The following GALNT13 variants were observed in gnomAD, a reference collection of about 807,000 sequenced individuals.
The protein encoded by GALNT13 is polypeptide N-acetylgalactosaminyltransferase 13.
GALNT13 carries 28 observed loss-of-function variants against 64.2 expected under a neutral mutation model. The observed-to-expected ratio is 0.44, with a 90% CI of 0.32 to 0.60. GALNT13 has a LOEUF of 0.60. Ranked by LOEUF, GALNT13 falls within the 20% of genes least tolerant of loss-of-function variation. GALNT13 has a pLI of 0.05. For synonymous variants in GALNT13, 214 were observed against 224.6 expected, an observed-to-expected ratio of 0.95 and a Z score of 0.42; for missense variants, 577 against 669.8, an observed-to-expected ratio of 0.86 and a Z score of 1.53.
chr2:153,228,283 A>G, the GALNT13 span, among the ~76,000 whole-genome samples: 7 of 152,170 alleles, frequency 4.6e-5, no homozygotes, highest in East Asian at 1.9e-4. Flanking sequence ...GAAGAAAGTC[A>G]TATCTTAGAT....
the GALNT13 span, among the ~76,000 whole-genome samples, chr2:153,077,440 C>T: frequency 7.3e-5 from 11 of 151,204 alleles, no homozygotes; most frequent in African/African-American, 2.4e-4. Flanking sequence ...GCTCTGATAA[C>T]GAAGTGTCAG....
At chr2:153,890,745 C>G (rs1048077216) in intron 1 of GALNT13, among the ~76,000 whole-genome samples, 1 of 151,996 alleles carries the variant, frequency 6.6e-6, no homozygotes, top group Admixed American at 6.6e-5. Flanking sequence ...TGGTTTGTTT[C>G]TTCTTTCTTC....
At chr2:154,262,678 G>A (rs539254130) in intron 8 of GALNT13, among the ~76,000 whole-genome samples, 1 of 152,032 alleles carries the variant, frequency 6.6e-6, no homozygotes, top group African/African-American at 2.4e-5. Context: ...ACAAAACTTT[G>A]TGCTCTTATG....
the GALNT13 span, among the ~76,000 whole-genome samples, chr2:153,382,237 G>C: frequency 4.0e-5 from 6 of 151,880 alleles, no homozygotes; most frequent in Admixed American, 2.6e-4. Flanking sequence ...TTTAGATGCA[G>C]GGGGTACATG....
chr2:153,893,765 T>G (rs1687716638), intron 1 of GALNT13, among the ~76,000 whole-genome samples: 1 of 152,030 alleles, frequency 6.6e-6, no homozygotes, highest in Non-Finnish European at 1.5e-5. Flanking sequence ...GATCCCTAAT[T>G]GTTGCTTTTA....
the GALNT13 span, among the ~76,000 whole-genome samples, chr2:153,810,503 T>A: frequency 6.6e-6 from 1 of 152,324 alleles, no homozygotes; most frequent in South Asian, 2.1e-4. Context: ...TTACATTCCA[T>A]CAACTTTATT....
the GALNT13 span, among the ~76,000 whole-genome samples, chr2:153,786,515 C>T: frequency 6.6e-6 from 1 of 152,008 alleles, no homozygotes; most frequent in African/African-American, 2.4e-5. Context: ...CACTTTAATC[C>T]CTGCTGCCCT....
the GALNT13 span, among the ~76,000 whole-genome samples, chr2:153,231,003 G>T: frequency 6.6e-6 from 1 of 152,214 alleles, no homozygotes; most frequent in African/African-American, 2.4e-5. Context: ...TGCTTTTCTT[G>T]ATTGTCTTAA....
the GALNT13 span, among the ~76,000 whole-genome samples, chr2:153,452,654 GC>G: frequency 3.3e-5 from 5 of 151,832 alleles, no homozygotes; most frequent in Non-Finnish European, 5.9e-5. Flanking sequence ...AACATTCCAT[GC>G]CCATGGATTG....
At chr2:153,329,052 A>C in the GALNT13 span, among the ~76,000 whole-genome samples, 1 of 151,952 alleles carries the variant, frequency 6.6e-6, no homozygotes, top group Non-Finnish European at 1.5e-5. Flanking sequence ...TCCCTTGGTG[A>C]GGGGAGGGAG....
chr2:154,342,810 A>G (rs1574121613), intron 9 of GALNT13, among the ~76,000 whole-genome samples: 1 of 148,302 alleles, frequency 6.7e-6, no homozygotes, highest in East Asian at 2.0e-4. Flanking sequence ...AGTGTATTAT[A>G]TAATTAAGAG....
chr2:154,205,384 A>G (rs1687383416), intron 4 of GALNT13, among the ~76,000 whole-genome samples: 1 of 152,194 alleles, frequency 6.6e-6, no homozygotes, highest in Non-Finnish European at 1.5e-5. Flanking sequence ...AGCAATTGAA[A>G]TGTTGCTAGT....
intron 3 of GALNT13, among the ~76,000 whole-genome samples, chr2:154,125,534 G>C (rs1382528826): frequency 2.0e-5 from 3 of 152,200 alleles, no homozygotes; most frequent in Middle Eastern, 3.4e-3. Flanking sequence ...TTTACTGAAA[G>C]GCTACTGCAA....
the GALNT13 span, among the ~76,000 whole-genome samples, chr2:153,146,065 A>G: frequency 2.0e-5 from 3 of 151,866 alleles, no homozygotes; most frequent in African/African-American, 7.2e-5. Flanking sequence ...AGCAGAGCCA[A>G]TATTAGATCT....
the GALNT13 span, among the ~76,000 whole-genome samples, chr2:153,193,458 A>AG: frequency 1.4e-5 from 1 of 69,202 alleles, no homozygotes; most frequent in Admixed American, 2.0e-4. Flanking sequence ...GGGTCGGGGG[A>AG]GGGGGGAGGG....
rs1039550865 is a variant in GALNT13 at position 154,451,806 on chromosome 2, T to G, written c.*1255T>G. ...TTTTTATATTTGACATCATTTTAAA[T>G]GCTCAAAGAGTTGCCCTATATATGC... On this transcript the variant is annotated 3_prime_UTR_variant, in exon 13 of 13. Coordinates refer to ENST00000392825, the MANE Select transcript of GALNT13 (RefSeq NM_052917.4). The G allele has an allele frequency of 6.6e-6, 1 of 152,140 alleles. No homozygotes were observed. The highest frequency in any genetic ancestry group is 2.1e-4 in the South Asian group (1 of 4,832). The allele number at this position is 152,140 out of a possible 1,614,324, so 9.4% of individuals were successfully genotyped here. A position where few individuals can be genotyped will look rare whatever the true frequency, so the allele number is the denominator to read the frequency against.
chr2:153,643,868 A>G, the GALNT13 span, among the ~76,000 whole-genome samples: 1 of 151,996 alleles, frequency 6.6e-6, no homozygotes, highest in Admixed American at 6.6e-5. Context: ...TTTTTGATAA[A>G]AAAGAGTCCT....
the GALNT13 span, among the ~76,000 whole-genome samples, chr2:153,115,231 G>T: frequency 6.6e-6 from 1 of 152,100 alleles, no homozygotes; most frequent in African/African-American, 2.4e-5. Flanking sequence ...CATTTTGTCT[G>T]CTCCATATTC....
the GALNT13 span, among the ~76,000 whole-genome samples, chr2:153,694,024 C>T: frequency 8.0e-3 from 1,220 of 152,174 alleles, 19 homozygotes; most frequent in African/African-American, 0.028. Flanking sequence ...AGGAGAATGG[C>T]GTGAACCCGG....
Sources: gnomAD v4.1 joint callset for allele counts (sites outside exome capture counted in the v4.1 genomes callset) on GRCh38, gnomAD v4.1.1 for gene constraint, MANE v1.5 for transcripts, NCBI Gene and HGNC (gene_info 2026-07-23, HGNC 2026-07-21) for gene names.